CNST: variants seen among roughly 807,000 people sequenced by gnomAD.
CNST encodes consortin, connexin sorting protein.
CNST carries 39 observed loss-of-function variants against 72.4 expected under a neutral mutation model. The ratio of observed to expected loss-of-function variants is 0.54; its 90% CI spans 0.42 to 0.70. The LOEUF (loss-of-function observed/expected upper bound fraction) is 0.70, where lower values mean the gene tolerates loss of function less well. Among genes scored for constraint, CNST ranks in the 30% least tolerant of loss-of-function variants. CNST has a pLI of 0.00. For synonymous variants in CNST, 332 were observed against 320.1 expected, an observed-to-expected ratio of 1.04 and a Z score of -0.40; for missense variants, 871 against 868.5, an observed-to-expected ratio of 1.00 and a Z score of -0.04.
intron 4 of CNST, 26 bp downstream of exon 4, chr1:246,631,950 A>G: frequency 7.3e-7 from 1 of 1,361,954 alleles, no homozygotes; most frequent in Non-Finnish European, 1.0e-6. Context: ...TTACAGGAAG[A>G]AATTTTTAGA....
chr1:246,571,294 G>A (rs1048827247), intron 1 of CNST, among the ~76,000 whole-genome samples: 1 of 152,098 alleles, frequency 6.6e-6, no homozygotes, highest in East Asian at 1.9e-4. Flanking sequence ...GATTACAGGC[G>A]TGTGCCACCA....
At chr1:246,625,640 T>C (rs1664377083) in intron 3 of CNST, among the ~76,000 whole-genome samples, 1 of 152,034 alleles carries the variant, frequency 6.6e-6, no homozygotes, top group South Asian at 2.1e-4. Flanking sequence ...CAGGAGGGTC[T>C]CGATCTCTTG....
chr1:246,634,023 C>G lies in CNST; in HGVS notation c.703+13C>G. The G allele has an allele frequency of 6.5e-7, 1 of 1,544,506 alleles. No individual in the cohort carries two copies. Among genetic ancestry groups the G allele is most frequent in the African/African-American group, 1.4e-5 (1 of 73,704 alleles). On this transcript the variant is annotated intron_variant, in intron 5 of 10. Transcript: ENST00000366513. ...CAAGAACAGTGGGGTAAGTACAGACCAACATGGAATGTGGAATTAGCAGTA... is the reference window on the plus strand; with the variant it reads ...CAAGAACAGTGGGGTAAGTACAGACGAACATGGAATGTGGAATTAGCAGTA...
At chr1:246,567,775 C>A (rs1313996102) in intron 1 of CNST, among the ~76,000 whole-genome samples, 1 of 152,060 alleles carries the variant, frequency 6.6e-6, no homozygotes, top group Non-Finnish European at 1.5e-5. Flanking sequence ...TTTTTTCGTA[C>A]AGTTTTCTCA....
chr1:246,606,762 TATC>T (rs1164435308), intron 2 of CNST: 1 of 152,092 alleles, frequency 6.6e-6, no homozygotes, highest in African/African-American at 2.4e-5. Context: ...TTTCTCTGGT[TATC>T]ATACGCAGGG....
intron 2 of CNST, among the ~76,000 whole-genome samples, chr1:246,612,391 C>T (rs1375541038): frequency 2.0e-5 from 3 of 151,920 alleles, no homozygotes; most frequent in Admixed American, 6.6e-5. Context: ...TTAGTAGAGA[C>T]GGAGTTTCGC....
intron 2 of CNST, among the ~76,000 whole-genome samples, chr1:246,614,088 C>A (rs565439138): frequency 6.6e-6 from 1 of 152,008 alleles, no homozygotes; most frequent in African/African-American, 2.4e-5. Context: ...CATCCCTTAT[C>A]CAAAATGCTT....
intron 1 of CNST, 154 bp downstream of exon 1, chr1:246,566,817 C>T (rs1659724709): frequency 1.0e-5 from 4 of 397,290 alleles, no homozygotes; most frequent in South Asian, 1.4e-4. Context: ...CCCCTTACCT[C>T]CTCCGCCTCT....
chr1:246,578,156 G>A (rs912582660), intron 1 of CNST, among the ~76,000 whole-genome samples: 8 of 152,026 alleles, frequency 5.3e-5, no homozygotes, highest in African/African-American at 1.9e-4. Context: ...AAGAAGTAAT[G>A]GGCACATTCT....
At chr1:246,598,602 A>G (rs1441559541) in intron 2 of CNST, among the ~76,000 whole-genome samples, 1 of 152,202 alleles carries the variant, frequency 6.6e-6, no homozygotes, top group Non-Finnish European at 1.5e-5. Flanking sequence ...TTGCATTTTT[A>G]TATATTGACT....
intron 2 of CNST, among the ~76,000 whole-genome samples, chr1:246,614,054 G>A (rs1167847908): frequency 6.6e-6 from 1 of 151,856 alleles, no homozygotes; most frequent in Non-Finnish European, 1.5e-5. Context: ...CTTAGTTTAT[G>A]CATCAGTAAC....
chr1:246,642,134 T>TTTG, intron 8 of CNST, 97 bp downstream of exon 8: 1 of 174,404 alleles, frequency 5.7e-6, no homozygotes, highest in Non-Finnish European at 1.1e-5. Flanking sequence ...AAGGATCTGG[T>TTTG]TTTTTTTTTT....
chr1:246,589,791 T>C (rs1272225052), intron 1 of CNST, among the ~76,000 whole-genome samples: 2 of 152,204 alleles, frequency 1.3e-5, no homozygotes, highest in East Asian at 1.9e-4. Flanking sequence ...TTCCTGACTT[T>C]TTAATGATTG....
intron 5 of CNST, 80 bp downstream of exon 5, chr1:246,634,090 G>A: frequency 1.1e-6 from 1 of 915,380 alleles, no homozygotes; most frequent in Non-Finnish European, 1.8e-6. Flanking sequence ...TATTTGACCT[G>A]GTTTTATAAA....
chr1:246,584,277 C>T lies in CNST; in HGVS notation c.-51-7235C>T, dbSNP rs574534392. Among the ~76,000 whole-genome samples, 13 of 152,180 alleles carry T rather than the reference C, an allele frequency of 8.5e-5. 1 individual carries two copies. The highest frequency in any genetic ancestry group is 1.7e-4 in the African/African-American group (7 of 41,516). On this transcript the variant is annotated intron_variant, in intron 1 of 10. Transcript: ENST00000366513. Reference sequence around the variant, plus strand: ...GTGATGTATCTATGTTAGAAGAATCCGAAATCGCTAAGAAATATGAAATTT... The same window carrying T: ...GTGATGTATCTATGTTAGAAGAATCTGAAATCGCTAAGAAATATGAAATTT...
intron 2 of CNST, among the ~76,000 whole-genome samples, chr1:246,598,296 T>C (rs1348661755): frequency 6.6e-6 from 1 of 152,100 alleles, no homozygotes; most frequent in Non-Finnish European, 1.5e-5. Context: ...ACAAGATGAT[T>C]TCTGAGTGGC....
At chr1:246,620,516 T>C (rs1663997068) in intron 2 of CNST, among the ~76,000 whole-genome samples, 1 of 73,666 alleles carries the variant, frequency 1.4e-5, no homozygotes, top group Admixed American at 1.3e-4. Flanking sequence ...CACGATGGGC[T>C]CTGGGAACAC....
In CNST at chr1:246,634,024, A is replaced by C; in HGVS notation, c.703+14A>C. 6.5e-7 allele frequency: 1 copy of C among 1,535,800 alleles called. No homozygotes were observed. Among genetic ancestry groups the C allele is most frequent in the Non-Finnish European group, 9.0e-7 (1 of 1,111,368 alleles). On this transcript the variant is annotated intron_variant, in intron 5 of 10. Coordinates refer to ENST00000366513, the MANE Select transcript of CNST (RefSeq NM_152609.3). ...AAGAACAGTGGGGTAAGTACAGACC[A>C]ACATGGAATGTGGAATTAGCAGTAA...
At chr1:246,653,499 A>G (rs542928024) in intron 9 of CNST, among the ~76,000 whole-genome samples, 3 of 152,232 alleles carry the variant, frequency 2.0e-5, no homozygotes, top group Non-Finnish European at 4.4e-5. Flanking sequence ...GCCTCCTCAC[A>G]ATAGAAGAAA....
Sources: gnomAD v4.1 joint callset for allele counts (sites outside exome capture counted in the v4.1 genomes callset) on GRCh38, gnomAD v4.1.1 for gene constraint, MANE v1.5 for transcripts, NCBI Gene and HGNC (gene_info 2026-07-23, HGNC 2026-07-21) for gene names.